KCNIP1: variants seen among roughly 807,000 people sequenced by gnomAD.
KCNIP1 encodes A-type potassium channel modulatory protein KCNIP1.
Under a neutral mutation model 33.0 loss-of-function variants are expected in KCNIP1, and 18 were observed. That is an observed-to-expected ratio of 0.55 (90% CI 0.38 to 0.81). KCNIP1 has a LOEUF of 0.81. Among genes scored for constraint, KCNIP1 ranks in the 30% least tolerant of loss-of-function variants. The pLI, the probability that KCNIP1 is intolerant of heterozygous loss-of-function variation, is 0.00. For synonymous variants in KCNIP1, 93 were observed against 98.3 expected, an observed-to-expected ratio of 0.95 and a Z score of 0.32; for missense variants, 238 against 271.6, an observed-to-expected ratio of 0.88 and a Z score of 0.87.
At chr5:170,429,253 T>C (rs1215981046) in intron 1 of KCNIP1, among the ~76,000 whole-genome samples, 2 of 152,138 alleles carry the variant, frequency 1.3e-5, no homozygotes, top group East Asian at 3.9e-4. Flanking sequence ...AGACTGGGCA[T>C]GCCGTTGTCT....
At chr5:170,407,563 T>A (rs1329159811) in intron 1 of KCNIP1, among the ~76,000 whole-genome samples, 1 of 152,376 alleles carries the variant, frequency 6.6e-6, no homozygotes, top group South Asian at 2.1e-4. Flanking sequence ...AAAGACATGT[T>A]AATACTACAG....
chr5:170,663,363 C>G (rs2113753071), intron 1 of KCNIP1, among the ~76,000 whole-genome samples: 1 of 152,284 alleles, frequency 6.6e-6, no homozygotes, highest in Admixed American at 6.5e-5. Flanking sequence ...CGTGCTGAAG[C>G]TGGTGCATGC....
At chr5:170,593,973 C>T (rs1004952356) in intron 1 of KCNIP1, among the ~76,000 whole-genome samples, 4 of 152,210 alleles carry the variant, frequency 2.6e-5, no homozygotes, top group Non-Finnish European at 5.9e-5. Context: ...TGTTGTATAA[C>T]AGAATACAAG....
chr5:170,597,450 C>G (rs1008230249), intron 1 of KCNIP1, among the ~76,000 whole-genome samples: 1 of 152,080 alleles, frequency 6.6e-6, no homozygotes, highest in Admixed American at 6.5e-5. Context: ...AGAGGCGTCT[C>G]CCTCCATGCC....
chr5:170,546,290 T>C (rs1756405454), intron 1 of KCNIP1, among the ~76,000 whole-genome samples: 1 of 152,234 alleles, frequency 6.6e-6, no homozygotes, highest in Non-Finnish European at 1.5e-5. Context: ...CTCTCTCTCA[T>C]GGAATGTTGT....
chr5:170,437,124 G>A (rs1038179268), intron 1 of KCNIP1, among the ~76,000 whole-genome samples: 1 of 152,206 alleles, frequency 6.6e-6, no homozygotes, highest in Non-Finnish European at 1.5e-5. Flanking sequence ...AATGACCTAA[G>A]TGGCATTTGG....
chr5:170,690,466 T>G (rs1020804399), intron 1 of KCNIP1, among the ~76,000 whole-genome samples: 4 of 152,226 alleles, frequency 2.6e-5, no homozygotes, highest in Non-Finnish European at 5.9e-5. Context: ...CTCCTGATAT[T>G]TCAGAGAATA....
At chr5:170,459,270 C>A (rs1756579495) in intron 1 of KCNIP1, among the ~76,000 whole-genome samples, 2 of 152,096 alleles carry the variant, frequency 1.3e-5, no homozygotes, top group African/African-American at 4.8e-5. Flanking sequence ...CCACTGACAG[C>A]ACTAGACAGG....
At chr5:170,359,465 G>A (rs1284626165) in intron 1 of KCNIP1, among the ~76,000 whole-genome samples, 1 of 152,112 alleles carries the variant, frequency 6.6e-6, no homozygotes. Flanking sequence ...CCCTTGCTGG[G>A]GAAAGAGAGT....
chr5:170,507,351 G>C (rs1468215912), intron 1 of KCNIP1, among the ~76,000 whole-genome samples: 1 of 152,206 alleles, frequency 6.6e-6, no homozygotes, highest in Non-Finnish European at 1.5e-5. Flanking sequence ...GGATTTCAAG[G>C]ATCATGCAAG....
intron 2 of KCNIP1, 92 bp from the exon 3 acceptor site, chr5:170,720,229 T>C (rs1452150840): frequency 1.1e-6 from 1 of 872,360 alleles, no homozygotes; most frequent in African/African-American, 1.7e-5. Context: ...TCCCTGGGGA[T>C]CATGAGGAAC....
chr5:170,446,509 C>CT, intron 1 of KCNIP1, among the ~76,000 whole-genome samples: 1 of 152,286 alleles, frequency 6.6e-6, no homozygotes, highest in African/African-American at 2.4e-5. Context: ...GTTGCCCAGG[C>CT]TAAAGTACAT....
At chr5:170,576,167 C>G (rs1757597395) in intron 1 of KCNIP1, among the ~76,000 whole-genome samples, 1 of 152,134 alleles carries the variant, frequency 6.6e-6, no homozygotes, top group Non-Finnish European at 1.5e-5. Context: ...CAAATGGATA[C>G]CGGCTATCAG....
intron 1 of KCNIP1, among the ~76,000 whole-genome samples, chr5:170,679,626 A>AGTGTGTGTGTGTGTGT (rs58712710): frequency 1.3e-3 from 186 of 144,498 alleles, no homozygotes; most frequent in Non-Finnish European, 2.2e-3. Context: ...TGTATATGAC[A>AGTGTGTGTGTGTGTGT]GTGTGTGTGT....
At position 170,566,742 on chromosome 5, in the gene KCNIP1, G is replaced by A. The variant is rs140413271; in HGVS notation, c.61+62109G>A. Among the ~76,000 whole-genome samples, 79 of 152,338 alleles carry A rather than the reference G, an allele frequency of 5.2e-4. 1 individual carries two copies. Among genetic ancestry groups the A allele is most frequent in the African/African-American group, 1.6e-3 (66 of 41,580 alleles). ...AGGATGGAGATTAAACAGGTCCCTG[G>A]TTGTCAGGGGCAAAACTGTTAATGA... On this transcript the variant is annotated intron_variant, in intron 1 of 7. Transcript: ENST00000328939.
chr5:170,378,867 G>T lies in KCNIP1; in HGVS notation c.88+24903G>T, dbSNP rs376837648. 2 of 1,614,128 alleles carry T rather than the reference G, an allele frequency of 1.2e-6. No individual in the cohort carries two copies. The highest frequency in any genetic ancestry group is 2.7e-5 in the African/African-American group (2 of 74,942). On this transcript the variant is annotated intron_variant, in intron 1 of 7. Transcript: ENST00000377360. ...GACGCTGGTTTCGTTCCCCCGAGGT[G>T]CGGAGAAGCAGTAGAAGACCTGCTG...
At chr5:170,669,785 C>A in intron 1 of KCNIP1, 1 of 386,060 alleles carries the variant, frequency 2.6e-6, no homozygotes, top group Non-Finnish European at 3.5e-6. Context: ...AAGTGAAAAA[C>A]AACATCTGAG....
chr5:170,438,854 G>A lies in KCNIP1; in HGVS notation c.88+84890G>A, dbSNP rs1194889427. 3.3e-5 allele frequency among the ~76,000 whole-genome samples: 5 copies of A among 152,108 alleles called. No individual in the cohort carries two copies. The East Asian group carries it at 7.7e-4, about 23-fold the overall frequency. ...GCATCTGGAGCACCCTGTACCGAGC[G>A]GCACACTGTGGTGCTGGAAACATCC... On this transcript the variant is annotated intron_variant, in intron 1 of 7. Transcript: ENST00000377360.
intron 1 of KCNIP1, among the ~76,000 whole-genome samples, chr5:170,474,506 C>T (rs1182465939): frequency 1.3e-5 from 2 of 152,216 alleles, no homozygotes; most frequent in African/African-American, 4.8e-5. Context: ...CGTTCCCTCC[C>T]CTGCAAGAGG....
Sources: allele counts gnomAD v4.1 joint callset (sites outside exome capture counted in the v4.1 genomes callset), GRCh38; gene constraint gnomAD v4.1.1; transcripts MANE v1.5; gene names NCBI Gene and HGNC (gene_info 2026-07-23, HGNC 2026-07-21).